The following PRKCA variants were observed in gnomAD, a reference collection of about 807,000 sequenced individuals.
The protein encoded by PRKCA is protein kinase C alpha, also known as protein kinase C alpha type.
Under a neutral mutation model 87.0 loss-of-function variants are expected in PRKCA, and 27 were observed. That is an observed-to-expected ratio of 0.31 (90% CI 0.23 to 0.43). PRKCA has a LOEUF of 0.43. Among genes scored for constraint, PRKCA ranks in the 20% least tolerant of loss-of-function variants. PRKCA has a pLI of 1.00. For synonymous variants in PRKCA, 329 were observed against 311.1 expected, an observed-to-expected ratio of 1.06 and a Z score of -0.61; for missense variants, 518 against 852.3, an observed-to-expected ratio of 0.61 and a Z score of 4.88.
chr17:66,655,311 A>G (rs939986198), intron 5 of PRKCA, among the ~76,000 whole-genome samples: 3 of 152,024 alleles, frequency 2.0e-5, no homozygotes, highest in Admixed American at 1.3e-4. Context: ...TACTTTGCCC[A>G]TCTCCCCATA....
At chr17:66,800,582 C>A (rs1341618895) in intron 16 of PRKCA, among the ~76,000 whole-genome samples, 1 of 152,218 alleles carries the variant, frequency 6.6e-6, no homozygotes, top group Non-Finnish European at 1.5e-5. Flanking sequence ...CTTGGGAAAT[C>A]TCCTTTTAGT....
At chr17:66,454,409 C>A (rs1914485670) in intron 2 of PRKCA, among the ~76,000 whole-genome samples, 1 of 152,176 alleles carries the variant, frequency 6.6e-6, no homozygotes, top group Non-Finnish European at 1.5e-5. Context: ...ATAAAACATT[C>A]TTTTCTTTTT....
intron 9 of PRKCA, among the ~76,000 whole-genome samples, 180 bp from the exon 10 acceptor site, chr17:66,735,309 G>T (rs1241629050): frequency 6.6e-6 from 1 of 152,124 alleles, no homozygotes; most frequent in Non-Finnish European, 1.5e-5. Flanking sequence ...ATGCTGGAGG[G>T]ACTGAATTTG....
intron 8 of PRKCA, among the ~76,000 whole-genome samples, chr17:66,722,234 C>G (rs146772758): frequency 3.3e-5 from 5 of 151,978 alleles, no homozygotes. Flanking sequence ...TAAGTTAAAC[C>G]CTTTGAAATT....
intron 2 of PRKCA, among the ~76,000 whole-genome samples, chr17:66,340,707 A>G (rs577023386): frequency 5.8e-4 from 89 of 152,350 alleles, no homozygotes; most frequent in Non-Finnish European, 1.1e-3. Flanking sequence ...GTTCTAAGCA[A>G]GCAATGCTTC....
chr17:66,700,086 A>T (rs930520923), intron 8 of PRKCA, among the ~76,000 whole-genome samples: 3 of 152,252 alleles, frequency 2.0e-5, no homozygotes, highest in Admixed American at 2.0e-4. Context: ...CAAATTCACC[A>T]TCACATTTAA....
chr17:66,453,484 A>AT (rs1383992603), intron 2 of PRKCA, among the ~76,000 whole-genome samples: 9 of 151,718 alleles, frequency 5.9e-5, no homozygotes, highest in Non-Finnish European at 1.3e-4. Context: ...TGCCCAGCTA[A>AT]TTTTTTGTGT....
chr17:66,644,405 C>A (rs537684380), intron 4 of PRKCA, among the ~76,000 whole-genome samples: 1 of 152,288 alleles, frequency 6.6e-6, no homozygotes, highest in South Asian at 2.1e-4. Context: ...ATTCCAGTGG[C>A]CTTCCCTCCT....
intron 2 of PRKCA, among the ~76,000 whole-genome samples, chr17:66,374,340 G>A (rs1262618052): frequency 1.3e-5 from 2 of 152,156 alleles, no homozygotes; most frequent in African/African-American, 4.8e-5. Flanking sequence ...CCCCGGTGGG[G>A]GAGCGCTGGG....
rs150120507 is a variant in PRKCA, at chr17:66,694,609, G to A, written c.918+5562G>A. Among the ~76,000 whole-genome samples, 348 of 150,284 alleles carry A rather than the reference G, an allele frequency of 2.3e-3. 1 individual carries two copies. Among genetic ancestry groups the A allele is most frequent in the African/African-American group, 7.9e-3 (324 of 40,886 alleles). ...AAGTGATTATGTTAACAACAGAAAC[G>A]TCACAGTTGATTGACTACTGATTGC... On this transcript the variant is annotated intron_variant, in intron 8 of 16. Transcript: ENST00000413366.
intron 2 of PRKCA, among the ~76,000 whole-genome samples, chr17:66,437,607 T>C (rs1371077742): frequency 6.6e-6 from 1 of 152,068 alleles, no homozygotes. Flanking sequence ...AGGACCTGCC[T>C]GCTTGCTTGG....
intron 3 of PRKCA, among the ~76,000 whole-genome samples, chr17:66,580,934 C>A (rs879477638): frequency 6.6e-6 from 1 of 151,906 alleles, no homozygotes; most frequent in Non-Finnish European, 1.5e-5. Context: ...TTGTTGCCCC[C>A]CCCCATGCTC....
intron 13 of PRKCA, among the ~76,000 whole-genome samples, chr17:66,757,573 A>G (rs1382791599): frequency 8.1e-5 from 3 of 36,950 alleles, no homozygotes; most frequent in Middle Eastern, 0.011. Context: ...TTTGGGAGGA[A>G]AAAAAAAAAA....
At chr17:66,540,992 C>A (rs529486621) in intron 3 of PRKCA, among the ~76,000 whole-genome samples, 14 of 152,224 alleles carry the variant, frequency 9.2e-5, no homozygotes, top group Admixed American at 9.2e-4. Flanking sequence ...TTTGGTAGAA[C>A]CCTACAGAGG....
intron 3 of PRKCA, among the ~76,000 whole-genome samples, chr17:66,502,379 C>T (rs1336939984): frequency 6.6e-6 from 1 of 151,824 alleles, no homozygotes; most frequent in Non-Finnish European, 1.5e-5. Flanking sequence ...GGACTACGGG[C>T]ATGCACCACC....
intron 3 of PRKCA, among the ~76,000 whole-genome samples, chr17:66,616,720 C>T (rs16959714): frequency 0.03 from 4,603 of 152,258 alleles, 110 homozygotes; most frequent in East Asian, 0.15. Flanking sequence ...CATTGTCACA[C>T]TATTAATTAG....
At chr17:66,445,171 A>G (rs889274879) in intron 2 of PRKCA, among the ~76,000 whole-genome samples, 1 of 152,126 alleles carries the variant, frequency 6.6e-6, no homozygotes, top group African/African-American at 2.4e-5. Flanking sequence ...ACTTCTGAAT[A>G]AAGCCTGTGT....
chr17:66,667,847 T>C (rs1972079834), intron 5 of PRKCA, among the ~76,000 whole-genome samples: 1 of 152,218 alleles, frequency 6.6e-6, no homozygotes, highest in Non-Finnish European at 1.5e-5. Flanking sequence ...GAGATATCCT[T>C]GCATTTCTGG....
intron 5 of PRKCA, among the ~76,000 whole-genome samples, chr17:66,646,052 G>A (rs9907399): frequency 0.42 from 63,668 of 152,022 alleles, 14,340 homozygotes; most frequent in African/African-American, 0.61. Context: ...TATTAGCCTC[G>A]TTTTCCAGAA....
Sources: allele counts gnomAD v4.1 joint callset (sites outside exome capture counted in the v4.1 genomes callset), GRCh38; gene constraint gnomAD v4.1.1; transcripts MANE v1.5; gene names NCBI Gene and HGNC (gene_info 2026-07-23, HGNC 2026-07-21).